The following CAPN8 variants were observed in gnomAD, a reference collection of about 807,000 sequenced individuals.
The protein encoded by CAPN8 is calpain 8, also known as calpain-8.
CAPN8 carries 87 observed loss-of-function variants against 80.9 expected under a neutral mutation model. That is an observed-to-expected ratio of 1.07 (90% CI 0.90 to 1.28). CAPN8 has a LOEUF of 1.28. CAPN8 is among the 50% of genes most tolerant of loss of function. The pLI is 0.00. For missense variants in CAPN8, 757 were observed against 702.0 expected (o/e 1.08, Z -0.89); for synonymous variants, 299 against 273.8 (o/e 1.09, Z -0.91).
At chr1:223,618,226 G>T in intron 9 of CAPN8, 1 of 1,550,524 alleles carries the variant, frequency 6.4e-7, no homozygotes, top group Non-Finnish European at 8.7e-7. Flanking sequence ...ATGTGGGGCT[G>T]TCTTCCTGAG....
chr1:223,553,996 T>C, intron 13 of CAPN8, 96 bp from the exon 14 acceptor site: 1 of 397,086 alleles, frequency 2.5e-6, no homozygotes. Flanking sequence ...TTAGTATCTA[T>C]GATGCACCTA....
intron 5 of CAPN8, 76 bp from the exon 6 acceptor site, chr1:223,625,964 C>A: frequency 8.5e-7 from 1 of 1,173,382 alleles, no homozygotes; most frequent in African/African-American, 1.5e-5. Context: ...TTTCCAAGGA[C>A]ACACTACACA....
At chr1:223,612,472 G>A (rs1220701528) in intron 10 of CAPN8, among the ~76,000 whole-genome samples, 2 of 151,986 alleles carry the variant, frequency 1.3e-5, no homozygotes, top group African/African-American at 2.4e-5. Context: ...TAGAAATCTG[G>A]TGGGGGACCA....
intron 2 of CAPN8, among the ~76,000 whole-genome samples, chr1:223,635,182 G>C (rs992026837): frequency 6.6e-6 from 1 of 152,176 alleles, no homozygotes; most frequent in Non-Finnish European, 1.5e-5. Flanking sequence ...TTCCACAGAA[G>C]GCTGCTCTAA....
chr1:223,665,161 G>A (rs1387374730), intron 1 of CAPN8, among the ~76,000 whole-genome samples: 14 of 151,944 alleles, frequency 9.2e-5, no homozygotes, highest in Admixed American at 5.9e-4. Context: ...GCTGAGGCAG[G>A]AGAATCACTC....
chr1:223,657,383 A>AGAAG (rs1658524971), intron 1 of CAPN8, among the ~76,000 whole-genome samples: 1 of 151,358 alleles, frequency 6.6e-6, no homozygotes, highest in Non-Finnish European at 1.5e-5. Flanking sequence ...TTTTAAAAAA[A>AGAAG]GAAGGAAAAT....
At chr1:223,628,812 C>T in intron 2 of CAPN8, 32 bp from the exon 3 acceptor site, 1 of 1,521,810 alleles carries the variant, frequency 6.6e-7, no homozygotes, top group Non-Finnish European at 8.9e-7. Context: ...ACAGATTGGT[C>T]AGGCCCAGCC....
chr1:223,625,404 C>T (rs772613673), intron 6 of CAPN8, among the ~76,000 whole-genome samples: 1 of 152,200 alleles, frequency 6.6e-6, no homozygotes, highest in Non-Finnish European at 1.5e-5. Flanking sequence ...CGTTGTCCAT[C>T]TTCAAGTGAG....
At chr1:223,542,744 A>G (rs1435314924) in intron 20 of CAPN8, among the ~76,000 whole-genome samples, 2 of 152,080 alleles carry the variant, frequency 1.3e-5, no homozygotes, top group African/African-American at 4.8e-5. Flanking sequence ...ACCCACTGCA[A>G]TTTCATTTTT....
At chr1:223,650,671 A>G (rs6604723) in intron 2 of CAPN8, among the ~76,000 whole-genome samples, 150,652 of 152,224 alleles carry the variant, frequency 0.99, 74,573 homozygotes, top group Non-Finnish European at 1. Context: ...ACCAGGCTCC[A>G]AAGCCAACAA....
rs66479503 is a variant in CAPN8 at position 223,614,399 on chromosome 1, C to CAA, written c.1311+1569_1311+1570dup. ...TGGGCGACATAGTGAGAGTCCGTCT[C>CAA]AAAAAAAAAAAAAAGGTAGGCCTGA... On this transcript the variant is annotated intron_variant, in intron 10 of 20. Transcript: ENST00000366872. Among the ~76,000 whole-genome samples the CAA allele has an allele frequency of 2.9e-4, 38 of 130,922 alleles. 3 individuals carry two copies. Among genetic ancestry groups the CAA allele is most frequent in the Non-Finnish European group, 3.6e-4 (22 of 60,368 alleles). The allele number at this position is 130,922 out of a possible 152,430, so 85.9% of individuals were successfully genotyped here.
At chr1:223,630,615 T>G (rs1657746301) in intron 2 of CAPN8, among the ~76,000 whole-genome samples, 1 of 152,056 alleles carries the variant, frequency 6.6e-6, no homozygotes, top group African/African-American at 2.4e-5. Context: ...GGATTACAGG[T>G]GTAAGCCACC....
chr1:223,616,139 T>C lies in CAPN8; in HGVS notation c.1142A>G (p.Tyr381Cys). ...AGGCQNYPAT[Y>C]WTNPQFKIRL... is the part of the protein sequence containing the mutation. The stretch of plus-strand genomic sequence containing the variant: ...GATTTTGAACTGGGGATTGGTCCAG[T>C]ACGTGGCTGGAAGTCACCCAGGTGA... Residue 381 changes from tyrosine to cysteine, a missense_variant, in exon 10 of 21, where the codon TAC becomes TGC. Tyr to Cys is a radical substitution (Grantham distance 194). Coordinates refer to ENST00000366872, the MANE Select transcript of CAPN8 (RefSeq NM_001143962.2). 1.9e-6 allele frequency: 3 copies of C among 1,546,718 alleles called. No homozygotes were observed. The highest frequency in any genetic ancestry group is 1.7e-4 in the Middle Eastern group (1 of 5,978).
intron 16 of CAPN8, among the ~76,000 whole-genome samples, chr1:223,545,848 C>T (rs1465977257): frequency 1.0e-5 from 1 of 100,194 alleles, no homozygotes; most frequent in African/African-American, 4.6e-5. Flanking sequence ...TTTTTTGAGA[C>T]GGAGTCTCTC....
At chr1:223,631,254 G>A (rs181037170) in intron 2 of CAPN8, among the ~76,000 whole-genome samples, 17 of 152,068 alleles carry the variant, frequency 1.1e-4, no homozygotes, top group Middle Eastern at 6.8e-3. Context: ...AGAAGTCACC[G>A]CTTTTTTGGT....
intron 2 of CAPN8, among the ~76,000 whole-genome samples, chr1:223,641,517 T>C (rs1293228406): frequency 6.6e-6 from 1 of 152,184 alleles, no homozygotes; most frequent in Non-Finnish European, 1.5e-5. Context: ...GCAGCAAATC[T>C]GGCTATAAGC....
At chr1:223,632,652 G>A (rs1329600433) in intron 2 of CAPN8, among the ~76,000 whole-genome samples, 1 of 152,156 alleles carries the variant, frequency 6.6e-6, no homozygotes, top group Admixed American at 6.5e-5. Context: ...TTATAAGCAT[G>A]AGCTACCACA....
chr1:223,625,985 G>A (rs563906786), intron 5 of CAPN8, 97 bp from the exon 6 acceptor site: 2 of 925,170 alleles, frequency 2.2e-6, no homozygotes, highest in East Asian at 2.7e-5. Flanking sequence ...GCCACTGGGG[G>A]CTTCAGTGTG....
chr1:223,620,096 C>G, intron 8 of CAPN8, 96 bp downstream of exon 8: 1 of 1,005,710 alleles, frequency 9.9e-7, no homozygotes, highest in Non-Finnish European at 1.5e-6. Context: ...GGAACCATGT[C>G]GCCTTCCTGG....
Sources: gnomAD v4.1 joint callset for allele counts (sites outside exome capture counted in the v4.1 genomes callset) on GRCh38, gnomAD v4.1.1 for gene constraint, MANE v1.5 for transcripts, NCBI Gene and HGNC (gene_info 2026-07-23, HGNC 2026-07-21) for gene names.